The following NSG1 variants were observed in gnomAD, a reference collection of about 807,000 sequenced individuals.
NSG1 encodes the protein neuronal vesicle trafficking associated 1.
In NSG1, 9 loss-of-function variants were observed where a neutral mutation model predicts 19.3. The observed-to-expected ratio is 0.47, with a 90% CI of 0.28 to 0.81. The LOEUF (loss-of-function observed/expected upper bound fraction) is 0.81, where lower values mean the gene tolerates loss of function less well. Ranked by LOEUF, NSG1 falls within the 40% of genes least tolerant of loss-of-function variation. The pLI is 0.11. For synonymous variants in NSG1, 104 were observed against 107.0 expected (o/e 0.97, Z 0.17); for missense variants, 236 against 242.4 (o/e 0.97, Z 0.18).
intron 3 of NSG1, among the ~76,000 whole-genome samples, chr4:4,402,891 C>A (rs140160105): frequency 1.9e-4 from 29 of 152,354 alleles, no homozygotes; most frequent in African/African-American, 7.0e-4. Flanking sequence ...TATCAACCCA[C>A]GGGGCGTGGA....
At chr4:4,396,305 G>C (rs1025928490) in intron 3 of NSG1, among the ~76,000 whole-genome samples, 1 of 152,166 alleles carries the variant, frequency 6.6e-6, no homozygotes. Context: ...TGACAGGAAG[G>C]CTCCCTCAGG....
intron 3 of NSG1, among the ~76,000 whole-genome samples, chr4:4,407,765 C>T (rs886810347): frequency 5.3e-5 from 8 of 152,088 alleles, no homozygotes; most frequent in African/African-American, 1.2e-4. Context: ...GTGGAGGTGT[C>T]GTCCCATGTC....
intron 3 of NSG1, among the ~76,000 whole-genome samples, chr4:4,400,679 C>T (rs1306005485): frequency 2.0e-5 from 3 of 152,118 alleles, no homozygotes; most frequent in Non-Finnish European, 4.4e-5. Context: ...TTAATGTAGG[C>T]AGTAAACCAC....
At chr4:4,411,743 A>AAAAAC (rs56166051) in intron 4 of NSG1, among the ~76,000 whole-genome samples, 6,327 of 140,396 alleles carry the variant, frequency 0.045, 196 homozygotes, top group East Asian at 0.1. Context: ...GACTCCGTCT[A>AAAAAC]AAAACAAAAC....
At chr4:4,393,573 A>ATG (rs1723103199) in intron 3 of NSG1, among the ~76,000 whole-genome samples, 1 of 152,202 alleles carries the variant, frequency 6.6e-6, no homozygotes, top group Admixed American at 6.5e-5. Flanking sequence ...TGAGAAGGCG[A>ATG]TGTATGCAGT....
Position 4,405,206 on chromosome 4 carries a change from GAC to G in NSG1, c.247-4363_247-4362del, listed in dbSNP as rs1299300605. Among the ~76,000 whole-genome samples the G allele has an allele frequency of 2.6e-5, 4 of 152,278 alleles. 1 individual carries two copies. The South Asian group carries it at 8.3e-4, about 32-fold the overall frequency. ...CCACCATCCTTGGCTTTGCTGTGTAGACACAGTGCTGTAATCTTCCGTCCTCA... is the reference window on the plus strand; with the variant it reads ...CCACCATCCTTGGCTTTGCTGTGTAGACAGTGCTGTAATCTTCCGTCCTCA... On this transcript the variant is annotated intron_variant, in intron 3 of 4. Coordinates refer to ENST00000621129, the MANE Select transcript of NSG1 (RefSeq NM_014392.5).
rs377111667 is a variant in NSG1, at chr4:4,388,128, G to T, written c.129+370G>T. Among the ~76,000 whole-genome samples, 3 of 142,136 alleles carry T rather than the reference G, an allele frequency of 2.1e-5. No individual in the cohort carries two copies. The South Asian group carries it at 6.8e-4, about 32-fold the overall frequency. The allele number at this position is 142,136 out of a possible 152,430, so 93.2% of individuals were successfully genotyped here. On this transcript the variant is annotated intron_variant, in intron 2 of 4. Coordinates refer to ENST00000621129, the MANE Select transcript of NSG1 (RefSeq NM_014392.5). ...GGGGGTGAGCCTAGGGGCGGGCGAG[G>T]CTGCCCCTGTACCTTCCCGGGTGTG... is the stretch of plus-strand genomic sequence containing the variant.
intron 3 of NSG1, among the ~76,000 whole-genome samples, chr4:4,409,128 G>A (rs1724025250): frequency 6.6e-6 from 1 of 152,242 alleles, no homozygotes; most frequent in Non-Finnish European, 1.5e-5. Context: ...ATGCGACACT[G>A]CGTCCCAGCA....
rs935161247 is a variant in NSG1, at chr4:4,409,579, G to A, written c.253G>A (p.Val85Met). ...EGVTERFKVS[V>M]LVLFALAFLT... ...GTCCCACCTCTGCCCACAGGTCTCC[G>A]TGTTGGTCCTCTTCGCCCTGGCCTT... Residue 85 changes from valine (V) to methionine (M), a missense_variant, in exon 4 of 5, where the codon GTG (valine) becomes ATG (methionine). Transcript: ENST00000621129. The A allele has an allele frequency of 1.4e-5, 23 of 1,613,784 alleles. No homozygotes were observed. Among genetic ancestry groups the A allele is most frequent in the African/African-American group, 6.7e-5 (5 of 74,878 alleles).
At chr4:4,399,488 ATATATAAG>A (rs879466859) in intron 3 of NSG1, among the ~76,000 whole-genome samples, 116,834 of 152,034 alleles carry the variant, frequency 0.77, 45,368 homozygotes, top group East Asian at 0.95. Context: ...TATTTTGGAT[ATATATAAG>A]CCCTTGTAAG....
intron 3 of NSG1, among the ~76,000 whole-genome samples, chr4:4,406,933 T>A (rs1172182370): frequency 6.6e-6 from 1 of 152,214 alleles, no homozygotes; most frequent in Non-Finnish European, 1.5e-5. Context: ...CGGCTGCGCC[T>A]TCTTTCTCCG....
intron 4 of NSG1, among the ~76,000 whole-genome samples, chr4:4,411,851 C>CT (rs150578692): frequency 0.041 from 6,003 of 146,408 alleles, 144 homozygotes; most frequent in Non-Finnish European, 0.047. Flanking sequence ...TTAGAGTTAA[C>CT]TTTTTTTTTT....
intron 2 of NSG1, among the ~76,000 whole-genome samples, chr4:4,388,884 C>A (rs1722866136): frequency 6.6e-6 from 1 of 152,230 alleles, no homozygotes; most frequent in Non-Finnish European, 1.5e-5. Flanking sequence ...GGGGATCAGC[C>A]GGCCACACCT....
At chr4:4,401,185 T>G (rs1723528936) in intron 3 of NSG1, among the ~76,000 whole-genome samples, 1 of 152,206 alleles carries the variant, frequency 6.6e-6, no homozygotes. Context: ...ACAGAAGTGA[T>G]GTAAATTTCG....
chr4:4,399,034 G>C (rs1464045454), intron 3 of NSG1, among the ~76,000 whole-genome samples: 2 of 152,144 alleles, frequency 1.3e-5, no homozygotes, highest in African/African-American at 4.8e-5. Context: ...TTTCCTAATG[G>C]CTAATGATGT....
chr4:4,407,817 C>T (rs1269592954), intron 3 of NSG1, among the ~76,000 whole-genome samples: 1 of 152,078 alleles, frequency 6.6e-6, no homozygotes, highest in Admixed American at 6.5e-5. Flanking sequence ...AAGGGGCTTC[C>T]AAGGTGGTGA....
At chr4:4,405,420 T>C (rs1446873467) in intron 3 of NSG1, among the ~76,000 whole-genome samples, 3 of 152,272 alleles carry the variant, frequency 2.0e-5, no homozygotes, top group South Asian at 2.1e-4. Context: ...GGGCCCAGCG[T>C]GCTCTCAACT....
Position 4,409,580 on chromosome 4 carries a change from T to G in NSG1, c.254T>G (p.Val85Gly), listed in dbSNP as rs776060863. The G allele has an allele frequency of 3.1e-6, 5 of 1,613,816 alleles. No individual in the cohort carries two copies. The highest frequency in any genetic ancestry group is 1.7e-5 in the Admixed American group (1 of 60,022). The change falls in exon 4 of 5, where the codon GTG becomes GGG. Residue 85 changes from valine (V) to glycine (G), a missense_variant. Physicochemically the swap from Val to Gly is moderately radical, Grantham distance 109 (BLOSUM62 -3). Coordinates refer to ENST00000621129, the MANE Select transcript of NSG1 (RefSeq NM_014392.5). ...TCCCACCTCTGCCCACAGGTCTCCG[T>G]GTTGGTCCTCTTCGCCCTGGCCTTC... ...EGVTERFKVS[V>G]LVLFALAFLT...
intron 3 of NSG1, among the ~76,000 whole-genome samples, chr4:4,401,389 G>A (rs1723539519): frequency 6.6e-6 from 1 of 152,088 alleles, no homozygotes; most frequent in African/African-American, 2.4e-5. Flanking sequence ...TTTGTCGCCG[G>A]GCTCGTGTTC....
Sources: allele counts gnomAD v4.1 joint callset (sites outside exome capture counted in the v4.1 genomes callset), GRCh38; gene constraint gnomAD v4.1.1; transcripts MANE v1.5; gene names NCBI Gene and HGNC (gene_info 2026-07-23, HGNC 2026-07-21).